OPCML: variants seen among roughly 807,000 people sequenced by gnomAD.
OPCML encodes opioid-binding protein/cell adhesion molecule.
A neutral mutation model predicts 37.8 loss-of-function variants in OPCML; 13 were observed. The observed-to-expected ratio is 0.34, with a 90% CI of 0.22 to 0.55. OPCML has a LOEUF of 0.55. Ranked by LOEUF, OPCML falls within the 20% of genes least tolerant of loss-of-function variation. OPCML has a pLI of 0.91. For missense variants in OPCML, 341 were observed against 435.6 expected (o/e 0.78, Z 1.93); for synonymous variants, 176 against 168.8 (o/e 1.04, Z -0.33).
chr11:132,774,913 C>G (rs1294391599), intron 2 of OPCML, among the ~76,000 whole-genome samples: 1 of 152,190 alleles, frequency 6.6e-6, no homozygotes, highest in African/African-American at 2.4e-5. Flanking sequence ...TCCCAATTCA[C>G]TTTGGAGGGT....
At chr11:133,329,501 A>T (rs1943566370) in intron 1 of OPCML, among the ~76,000 whole-genome samples, 1 of 152,204 alleles carries the variant, frequency 6.6e-6, no homozygotes, top group Non-Finnish European at 1.5e-5. Context: ...GACCAATGGA[A>T]CAGAACAGAG....
chr11:132,745,732 G>A (rs902166032), intron 2 of OPCML, among the ~76,000 whole-genome samples: 64 of 152,220 alleles, frequency 4.2e-4, no homozygotes, highest in African/African-American at 1.3e-3. Flanking sequence ...ATGTGTGAGC[G>A]CAGTGTAATT....
chr11:133,172,358 T>C (rs551198913), intron 1 of OPCML, among the ~76,000 whole-genome samples: 1 of 152,168 alleles, frequency 6.6e-6, no homozygotes, highest in East Asian at 1.9e-4. Context: ...AAAAGGCCTG[T>C]CAGAGAAGCA....
At chr11:132,935,518 T>C (rs1591823195) in intron 2 of OPCML, among the ~76,000 whole-genome samples, 1 of 152,210 alleles carries the variant, frequency 6.6e-6, no homozygotes, top group African/African-American at 2.4e-5. Flanking sequence ...TGAGATGCCA[T>C]AAATCTTCAG....
intron 2 of OPCML, among the ~76,000 whole-genome samples, chr11:132,707,776 G>A (rs918548312): frequency 1.3e-5 from 2 of 152,144 alleles, no homozygotes; most frequent in African/African-American, 2.4e-5. Flanking sequence ...AACTGATGAA[G>A]ACTCAGATTG....
chr11:133,438,023 A>G (rs1245990942), intron 1 of OPCML, among the ~76,000 whole-genome samples: 1 of 152,176 alleles, frequency 6.6e-6, no homozygotes, highest in Non-Finnish European at 1.5e-5. Flanking sequence ...AAACCAAGTA[A>G]AAAGATACAA....
At position 133,174,976 on chromosome 11, in the gene OPCML, A is replaced by C. The variant is rs899876255; in HGVS notation, c.62-231966T>G. ...AAAAAGTAACTGTACATGGTGTTGC[A>C]CACCTATAGTTCCAGCTACTTGGGA... On this transcript the variant is annotated intron_variant, in intron 1 of 7. Transcript: ENST00000524381. This position sits in a 1 kb window ranked among gnomAD's most constrained non-coding sequence, Gnocchi z 4.6. Among the ~76,000 whole-genome samples the C allele has an allele frequency of 2.6e-5, 4 of 152,190 alleles. No individual in the cohort carries two copies. The highest frequency in any genetic ancestry group is 2.1e-4 in the South Asian group (1 of 4,830).
intron 1 of OPCML, among the ~76,000 whole-genome samples, chr11:133,171,802 G>A (rs996967081): frequency 6.6e-6 from 1 of 152,228 alleles, no homozygotes; most frequent in African/African-American, 2.4e-5. Flanking sequence ...GGGGCTGGAA[G>A]AATCATTGCT....
chr11:132,622,141 A>C (rs1939450117), intron 3 of OPCML, among the ~76,000 whole-genome samples: 1 of 151,668 alleles, frequency 6.6e-6, no homozygotes, highest in African/African-American at 2.4e-5. Context: ...AATGATGAGA[A>C]TAATAAAAAA....
chr11:132,510,459 C>T (rs1346055670), intron 4 of OPCML, among the ~76,000 whole-genome samples: 2 of 152,100 alleles, frequency 1.3e-5, no homozygotes, highest in Non-Finnish European at 2.9e-5. Context: ...TTGTCCCCAC[C>T]CAAATCTCAT....
At chr11:133,151,781 A>C (rs918744042) in intron 1 of OPCML, among the ~76,000 whole-genome samples, 24 of 152,118 alleles carry the variant, frequency 1.6e-4, no homozygotes, top group African/African-American at 5.3e-4. Context: ...CAGGAGATGG[A>C]GGTGGGAATC....
chr11:133,221,528 C>T (rs1444993905), intron 1 of OPCML, among the ~76,000 whole-genome samples: 3 of 152,164 alleles, frequency 2.0e-5, no homozygotes, highest in Non-Finnish European at 4.4e-5. Context: ...GGGGGGTATT[C>T]GGAAACGCTG....
intron 3 of OPCML, among the ~76,000 whole-genome samples, chr11:132,566,323 GT>G (rs1291084187): frequency 6.6e-6 from 1 of 152,166 alleles, no homozygotes; most frequent in Non-Finnish European, 1.5e-5. Context: ...GTTTGAAATT[GT>G]TTGGCTTTAT....
At chr11:132,688,306 C>T (rs184580791) in intron 2 of OPCML, among the ~76,000 whole-genome samples, 15 of 152,248 alleles carry the variant, frequency 9.9e-5, no homozygotes, top group Admixed American at 9.2e-4. Flanking sequence ...TTTCATCACT[C>T]ATGCTCTTTG....
At chr11:133,510,957 C>T (rs1444787294) in intron 1 of OPCML, among the ~76,000 whole-genome samples, 1 of 152,058 alleles carries the variant, frequency 6.6e-6, no homozygotes, top group Non-Finnish European at 1.5e-5. Context: ...GCCTACTCAA[C>T]ATGCCCCATA....
At chr11:132,800,794 A>G (rs1938601218) in intron 2 of OPCML, among the ~76,000 whole-genome samples, 1 of 152,090 alleles carries the variant, frequency 6.6e-6, no homozygotes, top group African/African-American at 2.4e-5. Flanking sequence ...ATATCACTGT[A>G]TTTCACTTGG....
intron 1 of OPCML, among the ~76,000 whole-genome samples, chr11:133,383,971 A>G (rs1251340682): frequency 3.9e-5 from 6 of 152,032 alleles, no homozygotes; most frequent in Non-Finnish European, 8.8e-5. Context: ...CTCCCTACGC[A>G]CAGAGGGACA....
chr11:132,929,494 T>C (rs1412543650), intron 2 of OPCML, among the ~76,000 whole-genome samples: 2 of 152,124 alleles, frequency 1.3e-5, no homozygotes, highest in Non-Finnish European at 2.9e-5. Context: ...TTAACAGTTT[T>C]CCTATGACTC....
chr11:133,086,872 T>A (rs1217124689), intron 1 of OPCML, among the ~76,000 whole-genome samples: 1 of 152,256 alleles, frequency 6.6e-6, no homozygotes, highest in East Asian at 1.9e-4. Context: ...GCTTAGCATA[T>A]TCTCCAGGTT....
Sources: allele counts gnomAD v4.1 joint callset (sites outside exome capture counted in the v4.1 genomes callset), GRCh38; gene constraint gnomAD v4.1.1; non-coding constraint Gnocchi (gnomAD v3.1); transcripts MANE v1.5; gene names NCBI Gene and HGNC (gene_info 2026-07-23, HGNC 2026-07-21).